Variants in FBXO34 observed in about 807,000 individuals in gnomAD.
The protein encoded by FBXO34 is F-box protein 34.
In FBXO34, 12 loss-of-function variants were observed where a neutral mutation model predicts 24.5. The ratio of observed to expected loss-of-function variants is 0.49; its 90% CI spans 0.31 to 0.79. The LOEUF (loss-of-function observed/expected upper bound fraction) is 0.79. Ranked by LOEUF, FBXO34 falls within the 30% of genes least tolerant of loss-of-function variation. The probability of loss-of-function intolerance (pLI) is 0.04; values close to 1 mark genes in which losing one functional copy is unlikely to be tolerated. For missense variants in FBXO34, 823 were observed against 857.7 expected (o/e 0.96, Z 0.51); for synonymous variants, 320 against 311.9 (o/e 1.03, Z -0.27).
At chr14:55,347,356 C>T (rs1346739478) in intron 1 of FBXO34, among the ~76,000 whole-genome samples, 2 of 152,106 alleles carry the variant, frequency 1.3e-5, no homozygotes, top group Non-Finnish European at 2.9e-5. Flanking sequence ...GCCCTTTGCT[C>T]CCTGCATTAT....
intron 1 of FBXO34, among the ~76,000 whole-genome samples, chr14:55,292,324 C>T (rs551782221): frequency 6.6e-6 from 1 of 152,118 alleles, no homozygotes; most frequent in Admixed American, 6.6e-5. Context: ...TAGTAATTTT[C>T]TATGCCACTG....
chr14:55,410,920 G>GCT, the FBXO34 span, among the ~76,000 whole-genome samples: 91 of 151,974 alleles, frequency 6.0e-4, 2 homozygotes, highest in Middle Eastern at 0.014. Flanking sequence ...AGAACTTGTA[G>GCT]CTGTTTAGAT....
the FBXO34 span, chr14:55,397,403 G>C: frequency 3.1e-6 from 5 of 1,613,612 alleles, no homozygotes; most frequent in Middle Eastern, 3.3e-4. Context: ...TTGCTCTTAA[G>C]TCGGCTTAAC....
chr14:55,344,211 C>T (rs547253266), intron 1 of FBXO34, among the ~76,000 whole-genome samples: 14 of 152,312 alleles, frequency 9.2e-5, no homozygotes, highest in Admixed American at 3.3e-4. Context: ...GAACTTTTGA[C>T]TTCTTGTCCA....
At chr14:55,316,348 A>T (rs1315891048) in intron 1 of FBXO34, among the ~76,000 whole-genome samples, 2 of 151,964 alleles carry the variant, frequency 1.3e-5, no homozygotes, top group Admixed American at 1.3e-4. Context: ...GCACTTTGGG[A>T]GGCCAAGGTA....
At chr14:55,413,579 T>C in the FBXO34 span, 1 of 443,290 alleles carries the variant, frequency 2.3e-6, no homozygotes, top group Non-Finnish European at 4.5e-6. Flanking sequence ...TCATAGGGAA[T>C]AGGTTCCAGC....
In FBXO34 at chr14:55,351,859, A is replaced by G. The variant is rs754403670; in HGVS notation, c.1469A>G (p.His490Arg). 1.2e-6 allele frequency: 2 copies of G among 1,614,178 alleles called. No homozygotes were observed. The highest frequency in any genetic ancestry group is 1.7e-5 in the Admixed American group (1 of 60,018). Reference protein sequence around the residue: ...GMLFFLPPGQHLSDYSQLNES... With the variant: ...GMLFFLPPGQRLSDYSQLNES... ...TTGTTTTTTTTGCCACCTGGTCAGC[A>G]CTTGTCAGACTATTCCCAGTTGAAT... Residue 490 changes from histidine to arginine, a missense_variant, in exon 2 of 2, where the codon CAC becomes CGC. Around this residue, in one of 2 missense-constraint regions of FBXO34, gnomAD observed 693 missense variants for 659.1 expected, o/e 1.05. Coordinates refer to ENST00000313833, the MANE Select transcript of FBXO34 (RefSeq NM_017943.4).
At chr14:55,281,330 T>C (rs1881536402) in intron 1 of FBXO34, among the ~76,000 whole-genome samples, 1 of 151,476 alleles carries the variant, frequency 6.6e-6, no homozygotes, top group African/African-American at 2.4e-5. Flanking sequence ...CACATGTGGT[T>C]AGTGGCTGCT....
intron 1 of FBXO34, among the ~76,000 whole-genome samples, chr14:55,317,103 C>G (rs2013452998): frequency 6.6e-6 from 1 of 152,094 alleles, no homozygotes; most frequent in Admixed American, 6.5e-5. Context: ...GAAGTCTCTT[C>G]CAGTTTCCCC....
At chr14:55,288,558 A>G (rs1382166141) in intron 1 of FBXO34, among the ~76,000 whole-genome samples, 3 of 152,218 alleles carry the variant, frequency 2.0e-5, no homozygotes, top group Non-Finnish European at 4.4e-5. Context: ...CATTTCTCAG[A>G]AATCCTCATT....
chr14:55,329,174 CT>C (rs1023550108), intron 1 of FBXO34, among the ~76,000 whole-genome samples: 20 of 118,558 alleles, frequency 1.7e-4, no homozygotes, highest in African/African-American at 5.7e-4. Flanking sequence ...CAGCTGAGTT[CT>C]TTTCTCATAT....
At chr14:55,345,689 G>T (rs887895827) in intron 1 of FBXO34, among the ~76,000 whole-genome samples, 2 of 152,136 alleles carry the variant, frequency 1.3e-5, no homozygotes, top group African/African-American at 4.8e-5. Flanking sequence ...AGCCCAGAGC[G>T]GTTAGGACAT....
intron 1 of FBXO34, among the ~76,000 whole-genome samples, chr14:55,325,320 T>C (rs1051003546): frequency 2.0e-5 from 3 of 152,218 alleles, no homozygotes; most frequent in Non-Finnish European, 2.9e-5. Flanking sequence ...CTTATAAATA[T>C]TTTAATGTGA....
chr14:55,381,830 T>C, the FBXO34 span: 2 of 698,868 alleles, frequency 2.9e-6, no homozygotes, highest in East Asian at 2.7e-5. Flanking sequence ...GACATGGAGG[T>C]GATGGGAGCA....
At chr14:55,422,486 T>C in the FBXO34 span, among the ~76,000 whole-genome samples, 7 of 152,068 alleles carry the variant, frequency 4.6e-5, no homozygotes, top group Non-Finnish European at 8.8e-5. Context: ...CCTGACCTCA[T>C]AATTCGCCTG....
chr14:55,395,987 G>A, the FBXO34 span: 5 of 1,578,668 alleles, frequency 3.2e-6, no homozygotes, highest in South Asian at 1.2e-5. Context: ...AACACTCTGT[G>A]AGGAAAAGAG....
chr14:55,285,681 C>T (rs916495029), intron 1 of FBXO34: 3 of 152,180 alleles, frequency 2.0e-5, no homozygotes, highest in Admixed American at 6.5e-5. Flanking sequence ...TTAAAATCTC[C>T]CTGCCAGCTC....
the FBXO34 span, chr14:55,436,023 T>C: frequency 1.3e-6 from 1 of 778,744 alleles, no homozygotes; most frequent in Non-Finnish European, 2.0e-6. Context: ...TCTTAGGTTA[T>C]ACCTTAGCAA....
At chr14:55,385,533 T>TCCAC in the FBXO34 span, among the ~76,000 whole-genome samples, 3 of 152,228 alleles carry the variant, frequency 2.0e-5, no homozygotes, top group Non-Finnish European at 4.4e-5. Context: ...CCTCAGGTGA[T>TCCAC]TCGCCTGCCT....
Sources: gnomAD v4.1 joint callset for allele counts (sites outside exome capture counted in the v4.1 genomes callset) on GRCh38, gnomAD v4.1.1 for gene constraint, gnomAD v4.1.1 regional missense constraint, MANE v1.5 for transcripts, NCBI Gene and HGNC (gene_info 2026-07-23, HGNC 2026-07-21) for gene names.